The following PSMA5 variants were observed in gnomAD, a reference collection of about 807,000 sequenced individuals.
The protein encoded by PSMA5 is proteasome 20S subunit alpha 5.
PSMA5 carries 3 observed loss-of-function variants against 34.5 expected under a neutral mutation model. The ratio of observed to expected loss-of-function variants is 0.09; its 90% confidence interval spans 0.04 to 0.22. The LOEUF is 0.22. Among genes scored for constraint, PSMA5 ranks in the 10% least tolerant of loss-of-function variants. The probability of loss-of-function intolerance (pLI) is 1.00; values close to 1 mark genes in which losing one functional copy is unlikely to be tolerated. For missense variants in PSMA5, 120 were observed against 286.1 expected, an observed-to-expected ratio of 0.42 and a Z score of 4.19; for synonymous variants, 88 against 95.8, an observed-to-expected ratio of 0.92 and a Z score of 0.47.
chr1:109,403,679 CATTTTAAAGTA>C (rs1653627875), intron 8 of PSMA5, among the ~76,000 whole-genome samples: 2 of 151,918 alleles, frequency 1.3e-5, no homozygotes, highest in South Asian at 2.1e-4. Flanking sequence ...TATAGTAGGG[CATTTTAAAGTA>C]ATTTTCAGTA....
chr1:109,405,221 A>C (rs888408001), intron 8 of PSMA5, among the ~76,000 whole-genome samples: 1 of 152,160 alleles, frequency 6.6e-6, no homozygotes, highest in Non-Finnish European at 1.5e-5. Context: ...TCTACCATTT[A>C]CCTGTTGGCC....
chr1:109,426,432 A>G lies in PSMA5; in HGVS notation c.-102T>C, dbSNP rs1192970527. Reference sequence around the variant, plus strand: ...GCAGCCAACTCACCCACACGGCCGCAGTACTAAGGACCAACTGCGCGTGCG... The same window carrying G: ...GCAGCCAACTCACCCACACGGCCGCGGTACTAAGGACCAACTGCGCGTGCG... On this transcript the variant is annotated 5_prime_UTR_variant, in exon 1 of 9. Coordinates refer to ENST00000271308, the MANE Select transcript of PSMA5 (RefSeq NM_002790.4). 2.7e-6 allele frequency: 4 copies of G among 1,456,248 alleles called. No individual in the cohort carries two copies. The highest frequency in any genetic ancestry group is 2.9e-6 in the Non-Finnish European group (3 of 1,037,044). The allele number at this position is 1,456,248 out of a possible 1,614,324, so 90.2% of individuals were successfully genotyped here. A position where few individuals can be genotyped will look rare whatever the true frequency, so the allele number is the denominator to read the frequency against.
At chr1:109,406,599 G>T (rs1398362049) in intron 8 of PSMA5, among the ~76,000 whole-genome samples, 2 of 152,148 alleles carry the variant, frequency 1.3e-5, no homozygotes. Context: ...TCGAGAGGCT[G>T]GGGTGGGAGG....
intron 3 of PSMA5, among the ~76,000 whole-genome samples, chr1:109,413,463 C>A (rs551872823): frequency 1.3e-5 from 2 of 152,276 alleles, no homozygotes; most frequent in Non-Finnish European, 2.9e-5. Flanking sequence ...CATTTTCAAA[C>A]GAAGCAAATA....
chr1:109,406,622 C>A (rs1264474597), intron 8 of PSMA5, among the ~76,000 whole-genome samples: 1 of 152,118 alleles, frequency 6.6e-6, no homozygotes. Context: ...TACTTGAGCT[C>A]ATGAGTTCAA....
chr1:109,402,179 C>G (rs1653560088), intron 8 of PSMA5, 89 bp from the exon 9 acceptor site: 14 of 926,800 alleles, frequency 1.5e-5, no homozygotes, highest in Admixed American at 2.1e-5. Flanking sequence ...GTTGGTGATG[C>G]AGCTATTCAT....
chr1:109,422,111 C>T (rs1654466032), intron 1 of PSMA5, among the ~76,000 whole-genome samples, 185 bp from the exon 2 acceptor site: 1 of 152,126 alleles, frequency 6.6e-6, no homozygotes, highest in Non-Finnish European at 1.5e-5. Flanking sequence ...GCAATGGAAC[C>T]TATATATAGA....
chr1:109,403,091 T>C (rs1200526413), intron 8 of PSMA5, among the ~76,000 whole-genome samples: 1 of 152,196 alleles, frequency 6.6e-6, no homozygotes, highest in Non-Finnish European at 1.5e-5. Context: ...AAGATATCAG[T>C]AATAACTGGA....
At chr1:109,420,372 A>T (rs1342714613) in intron 2 of PSMA5, among the ~76,000 whole-genome samples, 1 of 152,070 alleles carries the variant, frequency 6.6e-6, no homozygotes, top group Non-Finnish European at 1.5e-5. Flanking sequence ...GATAATGCCT[A>T]ATAAAAAAAA....
chr1:109,416,478 A>G (rs1427464763), intron 2 of PSMA5, among the ~76,000 whole-genome samples: 1 of 152,040 alleles, frequency 6.6e-6, no homozygotes, highest in South Asian at 2.1e-4. Context: ...CCTTCCCCCA[A>G]TCCAAATTCC....
intron 4 of PSMA5, 87 bp downstream of exon 4, chr1:109,412,981 G>A: frequency 8.9e-7 from 1 of 1,124,382 alleles, no homozygotes; most frequent in South Asian, 1.3e-5. Context: ...ATTGACACAG[G>A]TACCTGCAGT....
intron 2 of PSMA5, among the ~76,000 whole-genome samples, chr1:109,416,088 T>C (rs1654182385): frequency 1.3e-5 from 2 of 152,210 alleles, no homozygotes; most frequent in African/African-American, 4.8e-5. Flanking sequence ...AAACACATTA[T>C]ATATTATAAA....
Position 109,424,582 on chromosome 1 carries a change from C to G in PSMA5, c.29+1720G>C, listed in dbSNP as rs938847453. ...CACGAGGTCAGGAGTTCAAGACCAG[C>G]CTGGCCAAGATGAGGAAACCCTGTC... On this transcript the variant is annotated intron_variant, in intron 1 of 8. Coordinates refer to ENST00000271308, the MANE Select transcript of PSMA5 (RefSeq NM_002790.4). Among the ~76,000 whole-genome samples the G allele has an allele frequency of 6.6e-5, 10 of 152,094 alleles. No homozygotes were observed. In the South Asian group the frequency reaches 2.1e-3, roughly 32 times the overall value.
intron 1 of PSMA5, among the ~76,000 whole-genome samples, chr1:109,423,080 T>C (rs1654512400): frequency 6.6e-6 from 1 of 152,190 alleles, no homozygotes. Flanking sequence ...TGTGAACAAA[T>C]GAATGAGATG....
chr1:109,401,595 G>A lies in PSMA5; in HGVS notation c.*418C>T, dbSNP rs1653526878. 6.5e-6 allele frequency: 1 copy of A among 153,168 alleles called. No homozygotes were observed. Among genetic ancestry groups the A allele is most frequent in the Non-Finnish European group, 1.5e-5 (1 of 68,806 alleles). 9.5% of individuals were successfully genotyped at this position (153,168 alleles called of 1,614,324 possible). A position where few individuals can be genotyped will look rare whatever the true frequency, so the allele number is the denominator to read the frequency against. On this transcript the variant is annotated 3_prime_UTR_variant, in exon 9 of 9. Transcript: ENST00000271308. ...GCATCACTAAAACAGTTTTAGAACAGACATCTTCATAGAATAGGGATATTA... is the reference window on the plus strand; with the variant it reads ...GCATCACTAAAACAGTTTTAGAACAAACATCTTCATAGAATAGGGATATTA...
At chr1:109,424,917 G>T (rs1654592693) in intron 1 of PSMA5, among the ~76,000 whole-genome samples, 1 of 152,182 alleles carries the variant, frequency 6.6e-6, no homozygotes, top group Admixed American at 6.5e-5. Context: ...AACCCAGGAG[G>T]CGGAGGTTGC....
intron 8 of PSMA5, among the ~76,000 whole-genome samples, chr1:109,406,614 C>T (rs1653773614): frequency 6.6e-6 from 1 of 152,172 alleles, no homozygotes; most frequent in East Asian, 1.9e-4. Context: ...GGGAGGACTA[C>T]TTGAGCTCAT....
intron 2 of PSMA5, among the ~76,000 whole-genome samples, chr1:109,417,903 T>G (rs968235101): frequency 1.3e-5 from 2 of 152,170 alleles, no homozygotes; most frequent in Non-Finnish European, 2.9e-5. Flanking sequence ...CAAGGCATTT[T>G]GATATCTACT....
At chr1:109,423,898 C>CA (rs1159507865) in intron 1 of PSMA5, among the ~76,000 whole-genome samples, 2 of 152,210 alleles carry the variant, frequency 1.3e-5, no homozygotes, top group African/African-American at 4.8e-5. Context: ...TAACAGCACA[C>CA]AGTTGCCTAC....
Sources: allele counts gnomAD v4.1 joint callset (sites outside exome capture counted in the v4.1 genomes callset), GRCh38; gene constraint gnomAD v4.1.1; transcripts MANE v1.5; gene names NCBI Gene and HGNC (gene_info 2026-07-23, HGNC 2026-07-21).